Variants in GLI3 observed in about 807,000 individuals in gnomAD.
GLI3 encodes the protein GLI family zinc finger 3, also known as transcription activator GLI3.
In GLI3, 20 loss-of-function variants were observed where a neutral mutation model predicts 100.8. The observed-to-expected ratio is 0.20, with a 90% CI of 0.14 to 0.29. The LOEUF (loss-of-function observed/expected upper bound fraction) is 0.29, where lower values mean the gene tolerates loss of function less well. Among genes scored for constraint, GLI3 ranks in the 10% least tolerant of loss-of-function variants. The pLI is 1.00. For synonymous variants in GLI3, 938 were observed against 860.5 expected, an observed-to-expected ratio of 1.09 and a Z score of -1.58; for missense variants, 2,040 against 2,128.5, an observed-to-expected ratio of 0.96 and a Z score of 0.82.
At chr7:42,009,385 G>C (rs1788545516) in intron 10 of GLI3, among the ~76,000 whole-genome samples, 1 of 151,444 alleles carries the variant, frequency 6.6e-6, no homozygotes. Context: ...GAATTGACTT[G>C]ACCCTACCCT....
At chr7:42,040,016 A>T (rs1784099299) in intron 7 of GLI3, 22 bp downstream of exon 7, 1 of 1,572,028 alleles carries the variant, frequency 6.4e-7, no homozygotes, top group Admixed American at 1.7e-5. Context: ...AAAACACATA[A>T]TGGATTCAGG....
At chr7:42,191,730 A>T (rs1472472274) in intron 2 of GLI3, among the ~76,000 whole-genome samples, 1 of 151,966 alleles carries the variant, frequency 6.6e-6, no homozygotes, top group Non-Finnish European at 1.5e-5. Flanking sequence ...TTAACATATT[A>T]ACTCACTTAC....
rs546998005 is a variant in GLI3 at position 42,167,748 on chromosome 7, A to G, written c.125-19280T>C. 5.3e-5 allele frequency among the ~76,000 whole-genome samples: 8 copies of G among 152,342 alleles called. No homozygotes were observed. The South Asian group carries it at 8.3e-4, about 16-fold the overall frequency. On this transcript the variant is annotated intron_variant, in intron 2 of 14. Transcript: ENST00000395925. ...TAAGGACTGCATTTGCCACAGGCTGATAAGTGGATATGGCAGAACTTCAAA... is the reference window on the plus strand; with the variant it reads ...TAAGGACTGCATTTGCCACAGGCTGGTAAGTGGATATGGCAGAACTTCAAA...
Position 41,966,515 on chromosome 7 carries a change from G to A in GLI3, c.2558C>T (p.Thr853Ile). 6.2e-7 allele frequency: 1 copy of A among 1,613,754 alleles called. No homozygotes were observed. The highest frequency in any genetic ancestry group is 8.5e-7 in the Non-Finnish European group (1 of 1,180,002). The change falls in exon 15 of 15, where the codon ACC becomes ATC. Residue 853 changes from threonine (T) to isoleucine (I), a missense_variant. Coordinates refer to ENST00000395925, the MANE Select transcript of GLI3 (RefSeq NM_000168.6). This position sits in a 1 kb window ranked among gnomAD's most constrained non-coding sequence, Gnocchi z 5.8. ...MLNRRDSSAS[T>I]ISSAYLSSRR... ...GCTGCTCAGGTAGGCCGAGCTGATG[G>A]TGCTGGCGCTGCTGTCCCTTCTGTT...
intron 3 of GLI3, among the ~76,000 whole-genome samples, chr7:42,138,221 G>A (rs181900436): frequency 2.0e-5 from 3 of 152,130 alleles, no homozygotes; most frequent in African/African-American, 7.2e-5. Flanking sequence ...AGTGAGACTC[G>A]AGGCAGGTCA....
intron 3 of GLI3, among the ~76,000 whole-genome samples, chr7:42,110,508 G>GT (rs1260485815): frequency 6.6e-6 from 1 of 152,092 alleles, no homozygotes; most frequent in Non-Finnish European, 1.5e-5. Context: ...TAAAACCATG[G>GT]TAAGTCCAAG....
chr7:42,190,515 T>C (rs1031801040), intron 2 of GLI3, among the ~76,000 whole-genome samples: 6 of 152,144 alleles, frequency 3.9e-5, no homozygotes, highest in Admixed American at 6.6e-5. Context: ...TCAATAACAA[T>C]GGAAGAAACT....
intron 12 of GLI3, among the ~76,000 whole-genome samples, chr7:41,974,469 G>GAA (rs1787454306): frequency 6.6e-6 from 1 of 152,150 alleles, no homozygotes; most frequent in African/African-American, 2.4e-5. Flanking sequence ...TAGAGACTAA[G>GAA]AAAAATGTTC....
Position 42,026,150 on chromosome 7 carries a change from C to G in GLI3, c.1242+49G>C, listed in dbSNP as rs1286925921. Reference sequence around the variant, plus strand: ...AACAGCTGACGTGGTGGCCTGCCCCCACCCTCGGCTGACCAGCACGGCCGG... The same window carrying G: ...AACAGCTGACGTGGTGGCCTGCCCCGACCCTCGGCTGACCAGCACGGCCGG... On this transcript the variant is annotated intron_variant, in intron 8 of 14. Coordinates refer to ENST00000395925, the MANE Select transcript of GLI3 (RefSeq NM_000168.6). 2.2e-6 allele frequency: 3 copies of G among 1,353,400 alleles called. No homozygotes were observed. In the South Asian group the frequency reaches 3.7e-5, roughly 16 times the overall value. 83.8% of individuals were successfully genotyped at this position (1,353,400 alleles called of 1,614,324 possible).
Position 42,231,118 on chromosome 7 carries a change from C to T in GLI3, c.-43+5853G>A, listed in dbSNP as rs773352519. 8.2e-4 allele frequency among the ~76,000 whole-genome samples: 125 copies of T among 152,144 alleles called. 1 individual carries two copies. The highest frequency in any genetic ancestry group is 3.2e-3 in the Middle Eastern group (1 of 316). ...TTTCTTAGAATCATGTGTGTCTTTACAGTAAGGCTTAAGGGAGTATAAGGG... is the reference window on the plus strand; with the variant it reads ...TTTCTTAGAATCATGTGTGTCTTTATAGTAAGGCTTAAGGGAGTATAAGGG... On this transcript the variant is annotated intron_variant, in intron 1 of 14. Transcript: ENST00000395925.
chr7:42,127,996 G>A (rs1302315110), intron 3 of GLI3, among the ~76,000 whole-genome samples: 1 of 144,086 alleles, frequency 6.9e-6, no homozygotes, highest in Non-Finnish European at 1.5e-5. Flanking sequence ...TCCAGCCTGG[G>A]CGACAGAGCA....
rs761495829 is a variant in GLI3, at chr7:41,965,203, C to A, written c.3870G>T (p.Gly1290=). ...KLKSTPMQGS[G]GQLNFGLPVA... is the part of the protein sequence containing the mutation. ...CCGGCAGGCCGAAATTCAGCTGGCC[C>A]CCGCTCCCTTGCATGGGGGTGCTCT... Residue 1290 remains glycine, a synonymous_variant, in exon 15 of 15, where the codon GGG becomes GGT. Coordinates refer to ENST00000395925, the MANE Select transcript of GLI3 (RefSeq NM_000168.6). The A allele has an allele frequency of 1.2e-6, 2 of 1,613,776 alleles. No homozygotes were observed. The highest frequency in any genetic ancestry group is 1.7e-6 in the Non-Finnish European group (2 of 1,180,038).
intron 10 of GLI3, among the ~76,000 whole-genome samples, chr7:42,016,862 C>T (rs569015238): frequency 6.6e-6 from 1 of 152,328 alleles, no homozygotes; most frequent in East Asian, 1.9e-4. Flanking sequence ...CCCATAGAGT[C>T]GCAATACACA....
At chr7:42,051,943 G>C (rs1198583327) in intron 4 of GLI3, among the ~76,000 whole-genome samples, 2 of 152,068 alleles carry the variant, frequency 1.3e-5, no homozygotes, top group African/African-American at 4.8e-5. Flanking sequence ...GTATCATACA[G>C]AGCAGTCTCA....
chr7:42,061,571 G>A (rs1397199645), intron 4 of GLI3, among the ~76,000 whole-genome samples: 1 of 152,072 alleles, frequency 6.6e-6, no homozygotes, highest in Non-Finnish European at 1.5e-5. Context: ...CCATAAAGGT[G>A]AAAAAAGTGA....
intron 10 of GLI3, among the ~76,000 whole-genome samples, chr7:42,008,907 G>C (rs1386764277): frequency 6.6e-6 from 1 of 152,062 alleles, no homozygotes; most frequent in African/African-American, 2.4e-5. Context: ...TATTTTTCAA[G>C]ATCTCTGAGG....
intron 3 of GLI3, among the ~76,000 whole-genome samples, chr7:42,094,190 C>T (rs937537447): frequency 3.9e-5 from 6 of 152,296 alleles, no homozygotes; most frequent in South Asian, 2.1e-4. Context: ...AGCTCTTCAA[C>T]GATGCTGACT....
intron 2 of GLI3, among the ~76,000 whole-genome samples, chr7:42,164,858 A>G: frequency 6.6e-6 from 1 of 151,518 alleles, no homozygotes. Context: ...ATAAAAATTA[A>G]AAAAATCTAA....
chr7:41,964,321 T>G lies in GLI3; in HGVS notation c.*9A>C. The G allele has an allele frequency of 6.2e-7, 1 of 1,613,204 alleles. No individual in the cohort carries two copies. The highest frequency in any genetic ancestry group is 8.5e-7 in the Non-Finnish European group (1 of 1,179,150). On this transcript the variant is annotated 3_prime_UTR_variant, in exon 15 of 15. Coordinates refer to ENST00000395925, the MANE Select transcript of GLI3 (RefSeq NM_000168.6). ...ATTTCCGTTGGTTGCAGTCTTTTTT[T>G]CCTAAAGCCTATTGCATAACTGCAA...
Sources: allele counts gnomAD v4.1 joint callset (sites outside exome capture counted in the v4.1 genomes callset), GRCh38; gene constraint gnomAD v4.1.1; non-coding constraint Gnocchi (gnomAD v3.1); transcripts MANE v1.5; gene names NCBI Gene and HGNC (gene_info 2026-07-23, HGNC 2026-07-21).